The following CTNNA2 variants were observed in gnomAD, a reference collection of about 807,000 sequenced individuals.
CTNNA2 encodes catenin alpha 2, also known as catenin alpha-2.
Under a neutral mutation model 101.0 loss-of-function variants are expected in CTNNA2, and 42 were observed. The observed-to-expected ratio is 0.42, with a 90% CI of 0.32 to 0.54. The LOEUF (loss-of-function observed/expected upper bound fraction) is 0.54. Among genes scored for constraint, CTNNA2 ranks in the 20% least tolerant of loss-of-function variants. The probability of loss-of-function intolerance (pLI) is 0.14; values close to 1 mark genes in which losing one functional copy is unlikely to be tolerated. For synonymous variants in CTNNA2, 450 were observed against 456.4 expected, an observed-to-expected ratio of 0.99 and a Z score of 0.18; for missense variants, 871 against 1,223.1, an observed-to-expected ratio of 0.71 and a Z score of 4.29.
intron 7 of CTNNA2, among the ~76,000 whole-genome samples, chr2:80,072,334 C>T (rs548326191): frequency 4.8e-4 from 73 of 152,014 alleles, no homozygotes; most frequent in African/African-American, 1.7e-3. Context: ...CCAGTATGTC[C>T]GCTGCCAAAA....
chr2:80,493,112 G>A (rs995373419), intron 9 of CTNNA2, among the ~76,000 whole-genome samples: 5 of 152,144 alleles, frequency 3.3e-5, no homozygotes, highest in Non-Finnish European at 5.9e-5. Context: ...ACATAAATAT[G>A]CAGGCAGTGG....
chr2:79,230,469 AC>A (rs1674475386), intron 2 of CTNNA2, among the ~76,000 whole-genome samples: 1 of 152,236 alleles, frequency 6.6e-6, no homozygotes, highest in Admixed American at 6.5e-5. Context: ...GGGAACCTCC[AC>A]CCAGATTTCA....
intron 15 of CTNNA2, among the ~76,000 whole-genome samples, chr2:80,602,425 C>A (rs1697634322): frequency 6.6e-6 from 1 of 151,970 alleles, no homozygotes; most frequent in African/African-American, 2.4e-5. Flanking sequence ...CTTTGAAATT[C>A]TTGAAATACA....
chr2:80,500,088 T>C (rs981125898), intron 9 of CTNNA2, among the ~76,000 whole-genome samples: 1 of 152,140 alleles, frequency 6.6e-6, no homozygotes, highest in African/African-American at 2.4e-5. Flanking sequence ...TGATTAAACC[T>C]TTTCCAAAAT....
intron 7 of CTNNA2, among the ~76,000 whole-genome samples, chr2:79,971,896 A>C (rs1447217555): frequency 1.3e-5 from 2 of 152,284 alleles, no homozygotes; most frequent in East Asian, 3.9e-4. Context: ...GGGGTCTTAC[A>C]AGTTGGTTCT....
chr2:79,368,134 C>T (rs1275036174), intron 3 of CTNNA2, among the ~76,000 whole-genome samples: 1 of 152,156 alleles, frequency 6.6e-6, no homozygotes, highest in Admixed American at 6.5e-5. Flanking sequence ...AGTCAGTACT[C>T]TTCATCATGC....
intron 9 of CTNNA2, among the ~76,000 whole-genome samples, chr2:80,492,618 G>A (rs953330172): frequency 1.3e-5 from 2 of 152,266 alleles, no homozygotes; most frequent in South Asian, 2.1e-4. Context: ...TGATGGCCTA[G>A]CTTCTGTCTT....
At chr2:79,993,766 A>G (rs1692346529) in intron 7 of CTNNA2, among the ~76,000 whole-genome samples, 1 of 152,162 alleles carries the variant, frequency 6.6e-6, no homozygotes, top group African/African-American at 2.4e-5. Context: ...CATGGGGAGA[A>G]TAAAAAGAAG....
intron 7 of CTNNA2, among the ~76,000 whole-genome samples, chr2:80,300,663 C>T (rs895475375): frequency 8.5e-5 from 13 of 152,120 alleles, no homozygotes; most frequent in Admixed American, 6.6e-5. Context: ...AGATGCAACT[C>T]TTTAGTGTCC....
chr2:79,519,143 C>T (rs564334500), intron 1 of CTNNA2, among the ~76,000 whole-genome samples: 3 of 150,734 alleles, frequency 2.0e-5, no homozygotes, highest in East Asian at 2.0e-4. Flanking sequence ...GCAGGAGAAT[C>T]GCTTGAACCC....
chr2:79,654,961 A>AT (rs1681508385), intron 2 of CTNNA2, among the ~76,000 whole-genome samples: 1 of 152,158 alleles, frequency 6.6e-6, no homozygotes, highest in South Asian at 2.1e-4. Context: ...TTTGACAGTA[A>AT]TTTTTTGTCT....
chr2:79,308,698 G>C (rs1025096804), intron 2 of CTNNA2, among the ~76,000 whole-genome samples: 8 of 151,010 alleles, frequency 5.3e-5, no homozygotes, highest in African/African-American at 1.7e-4. Context: ...AGAGGTGGGA[G>C]TCTGGTTTCA....
At chr2:79,665,647 A>G (rs1682364374) in intron 2 of CTNNA2, among the ~76,000 whole-genome samples, 1 of 152,222 alleles carries the variant, frequency 6.6e-6, no homozygotes, top group Non-Finnish European at 1.5e-5. Flanking sequence ...ATTTTTAAAC[A>G]TTAATGGGCT....
chr2:80,449,717 C>A (rs1181894212), intron 9 of CTNNA2, among the ~76,000 whole-genome samples: 2 of 152,148 alleles, frequency 1.3e-5, no homozygotes, highest in Non-Finnish European at 2.9e-5. Context: ...AAGCTTAACA[C>A]AGAACTAATC....
chr2:80,013,351 T>C (rs900509706), intron 7 of CTNNA2, among the ~76,000 whole-genome samples: 2 of 152,132 alleles, frequency 1.3e-5, no homozygotes, highest in Non-Finnish European at 2.9e-5. Context: ...AATATAACAC[T>C]CTTTCCTGAG....
intron 18 of CTNNA2, among the ~76,000 whole-genome samples, chr2:80,647,087 T>TTGAGCTTGG (rs1246033619): frequency 2.0e-5 from 3 of 152,034 alleles, no homozygotes; most frequent in Admixed American, 6.6e-5. Flanking sequence ...GACCTGTTAA[T>TTGAGCTTGG]AGTTAAATTG....
intron 3 of CTNNA2, among the ~76,000 whole-genome samples, chr2:79,829,459 A>ACT (rs1404668128): frequency 6.7e-6 from 1 of 148,860 alleles, no homozygotes; most frequent in East Asian, 2.0e-4. Context: ...AGTCCCAGCT[A>ACT]CTCCAGAGGT....
chr2:79,247,932 C>T (rs1385541432), intron 2 of CTNNA2, among the ~76,000 whole-genome samples: 1 of 152,202 alleles, frequency 6.6e-6, no homozygotes, highest in Non-Finnish European at 1.5e-5. Context: ...ATGTCTACAC[C>T]TGGACTTCAT....
intron 3 of CTNNA2, among the ~76,000 whole-genome samples, chr2:79,843,245 G>A (rs1296448579): frequency 6.6e-6 from 1 of 152,228 alleles, no homozygotes; most frequent in Non-Finnish European, 1.5e-5. Context: ...ATTTACACCT[G>A]AAAGGATTCT....
Sources: allele counts gnomAD v4.1 joint callset (sites outside exome capture counted in the v4.1 genomes callset), GRCh38; gene constraint gnomAD v4.1.1; transcripts MANE v1.5; gene names NCBI Gene and HGNC (gene_info 2026-07-23, HGNC 2026-07-21).